The following PRDM7 variants were observed in gnomAD, a reference collection of about 807,000 sequenced individuals.
PRDM7 encodes the protein histone-lysine N-methyltransferase PRDM7.
PRDM7 carries 52 observed loss-of-function variants against 64.3 expected under a neutral mutation model. That is an observed-to-expected ratio of 0.81 (90% CI 0.65 to 1.02). PRDM7 has a LOEUF of 1.02. PRDM7 is among the 50% of genes least tolerant of loss of function. The pLI, the probability that PRDM7 is intolerant of heterozygous loss-of-function variation, is 0.00. For synonymous variants in PRDM7, 192 were observed against 210.1 expected (o/e 0.91, Z 0.74); for missense variants, 574 against 597.1 (o/e 0.96, Z 0.40).
intron 4 of PRDM7, among the ~76,000 whole-genome samples, chr16:90,072,472 C>A (rs60173593): frequency 0.028 from 4,323 of 152,272 alleles, 154 homozygotes; most frequent in African/African-American, 0.077. Flanking sequence ...GTGATTAAAT[C>A]AGCCAGTCAC....
intron 4 of PRDM7, among the ~76,000 whole-genome samples, chr16:90,073,626 C>G (rs1209570745): frequency 1.3e-5 from 2 of 152,044 alleles, no homozygotes; most frequent in Non-Finnish European, 2.9e-5. Context: ...GTCTTGATCT[C>G]CTGACCTCAT....
chr16:90,071,955 G>A lies in PRDM7; in HGVS notation c.301+2961C>T, dbSNP rs540454374. Among the ~76,000 whole-genome samples the A allele has an allele frequency of 5.3e-5, 8 of 152,324 alleles. No homozygotes were observed. In the East Asian group the frequency reaches 1.2e-3, roughly 22 times the overall value. On this transcript the variant is annotated intron_variant, in intron 4 of 10. Transcript: ENST00000449207. The stretch of plus-strand genomic sequence containing the variant: ...TGCCTGTAATCCCAGCACTTCGGGA[G>A]GCCGCGGCAGGCGGATCATGAGGTC...
intron 1 of PRDM7, among the ~76,000 whole-genome samples, chr16:90,076,674 G>A (rs1174626059): frequency 6.6e-6 from 1 of 152,120 alleles, no homozygotes; most frequent in Non-Finnish European, 1.5e-5. Context: ...TTAGGCTGAA[G>A]AGATCTGGGG....
intron 1 of PRDM7, among the ~76,000 whole-genome samples, chr16:90,076,271 G>C (rs2038035316): frequency 6.6e-6 from 1 of 152,178 alleles, no homozygotes; most frequent in South Asian, 2.1e-4. Context: ...GAGGGTTGTA[G>C]CTACCGGTGT....
Position 90,062,049 on chromosome 16 carries a change from C to T in PRDM7, c.754G>A (p.Gly252Ser), listed in dbSNP as rs1161932779. The T allele has an allele frequency of 4.3e-6, 7 of 1,614,270 alleles. No individual in the cohort carries two copies. Among genetic ancestry groups the T allele is most frequent in the Non-Finnish European group, 5.9e-6 (7 of 1,180,044 alleles). The change falls in exon 8 of 11, where the codon GGC becomes AGC. Residue 252 changes from glycine (G) to serine (S), a missense_variant. Gly to Ser is a moderately conservative substitution (Grantham distance 56). Transcript: ENST00000449207. Reference protein sequence around the residue: ...LPPGLRIGPSGIPQAGLGVWN... With the variant: ...LPPGLRIGPSSIPQAGLGVWN... ...ACTCCAAGCCCAGCCTGAGGGATGC[C>T]TGATGGCCCAATTCTCAGCCCCGGG...
intron 4 of PRDM7, 36 bp downstream of exon 4, chr16:90,074,880 T>TA (rs374811950): frequency 0.097 from 116,193 of 1,195,974 alleles, 374 homozygotes; most frequent in East Asian, 0.16. Context: ...ACTCCGTCTT[T>TA]AAAAAAAAAA....
Position 90,060,573 on chromosome 16 carries a change from T to C in PRDM7, c.1001A>G (p.Gln334Arg), listed in dbSNP as rs2037758415. The C allele has an allele frequency of 6.2e-7, 1 of 1,614,152 alleles. No homozygotes were observed. ...DDEEQNLVAF[Q>R]YHRQIFYRTC... ...TCTATAGAAGATCTGCCTGTGGTAC[T>C]GGAAGGCCACCAGGTTCTGCTCTTC... Residue 334 changes from glutamine (Q) to arginine (R), a missense_variant, in exon 10 of 11, where the codon CAG (glutamine) becomes CGG (arginine). Transcript: ENST00000449207.
Position 90,075,112 on chromosome 16 carries a change from G to C in PRDM7, c.194-89C>G, listed in dbSNP as rs1440142601. 2.1e-6 allele frequency: 3 copies of C among 1,427,498 alleles called. No individual in the cohort carries two copies. Among genetic ancestry groups the C allele is most frequent in the South Asian group, 2.3e-5 (2 of 85,310 alleles). 88.4% of individuals were successfully genotyped at this position (1,427,498 alleles called of 1,614,324 possible). ...GGCAATGGAAAGCACCACAAAGCCA[G>C]TGCTGCTCAGTCTGATGAGCTGGGA... On this transcript the variant is annotated intron_variant, in intron 3 of 10. Coordinates refer to ENST00000449207, the MANE Select transcript of PRDM7 (RefSeq NM_001098173.2). The surrounding 1 kb of genome is among the most constrained non-coding windows in gnomAD (Gnocchi z 4.3).
intron 4 of PRDM7, among the ~76,000 whole-genome samples, chr16:90,073,105 A>G (rs7201719): frequency 0.054 from 8,221 of 152,206 alleles, 620 homozygotes; most frequent in African/African-American, 0.17. Context: ...GGTCAGTGAC[A>G]TATGGGAAAG....
intron 4 of PRDM7, among the ~76,000 whole-genome samples, chr16:90,068,504 G>C (rs1471645009): frequency 6.7e-6 from 1 of 150,050 alleles, no homozygotes; most frequent in African/African-American, 2.5e-5. Context: ...GTGTGGTGAC[G>C]GGCGCCTGTA....
intron 4 of PRDM7, 69 bp downstream of exon 4, chr16:90,074,847 C>G (rs2038011945): frequency 6.6e-7 from 1 of 1,518,094 alleles, no homozygotes; most frequent in African/African-American, 1.4e-5. Flanking sequence ...CCATTGCACT[C>G]CAGCCTGGGC....
chr16:90,062,235 G>A, intron 7 of PRDM7, 43 bp from the exon 8 acceptor site: 1 of 1,614,210 alleles, frequency 6.2e-7, no homozygotes, highest in Non-Finnish European at 8.5e-7. Flanking sequence ...TGTAATGCAT[G>A]TTCCTTGATA....
chr16:90,062,056 C>T lies in PRDM7; in HGVS notation c.747G>A (p.Gly249=), dbSNP rs1425626884. ...ALSLPPGLRI[G]PSGIPQAGLG... ...GCCCAGCCTGAGGGATGCCTGATGG[C>T]CCAATTCTCAGCCCCGGGGGCAGAC... Residue 249 remains glycine (G), a synonymous_variant, in exon 8 of 11, where the codon GGG becomes GGA. Coordinates refer to ENST00000449207, the MANE Select transcript of PRDM7 (RefSeq NM_001098173.2). 1 of 1,614,264 alleles carries T rather than the reference C, an allele frequency of 6.2e-7. No individual in the cohort carries two copies. Among genetic ancestry groups the T allele is most frequent in the Non-Finnish European group, 8.5e-7 (1 of 1,180,038 alleles).
Position 90,061,640 on chromosome 16 carries a change from T to A in PRDM7, c.883-121A>T, listed in dbSNP as rs1216909029. On this transcript the variant is annotated intron_variant, in intron 8 of 10. Coordinates refer to ENST00000449207, the MANE Select transcript of PRDM7 (RefSeq NM_001098173.2). ...GCTTCAACTGCCAACTGAGACCACA[T>A]GGCATGCACCTTAGTCATCATCTAC... 7 of 1,250,440 alleles carry A rather than the reference T, an allele frequency of 5.6e-6. No individual in the cohort carries two copies. The East Asian group carries it at 1.6e-4, about 29-fold the overall frequency. The allele number at this position is 1,250,440 out of a possible 1,614,324, so 77.5% of individuals were successfully genotyped here. A position where few individuals can be genotyped will look rare whatever the true frequency, so the allele number is the denominator to read the frequency against.
chr16:90,067,121 A>G (rs1218779739), intron 4 of PRDM7, among the ~76,000 whole-genome samples: 1 of 151,094 alleles, frequency 6.6e-6, no homozygotes, highest in African/African-American at 2.5e-5. Flanking sequence ...GTGCACCACC[A>G]CACCCAGCTA....
chr16:90,063,581 G>A (rs1008203376), intron 6 of PRDM7, 31 bp downstream of exon 6: 1 of 1,608,994 alleles, frequency 6.2e-7, no homozygotes, highest in African/African-American at 1.3e-5. Context: ...AGGACATAGA[G>A]GGACTAAATT....
intron 4 of PRDM7, among the ~76,000 whole-genome samples, chr16:90,070,831 T>C (rs549579067): frequency 1.1e-4 from 16 of 152,314 alleles, no homozygotes; most frequent in South Asian, 1.0e-3. Context: ...TATTTTCTTG[T>C]GGCAGCCTGG....
In PRDM7 at chr16:90,066,874, C is replaced by G. The variant is rs1472783826; in HGVS notation, c.338G>C (p.Ser113Thr). 1.9e-6 allele frequency: 3 copies of G among 1,596,544 alleles called. No individual in the cohort carries two copies. Among genetic ancestry groups the G allele is most frequent in the Non-Finnish European group, 1.7e-6 (2 of 1,166,460 alleles). ...PPWMAFRGEQSKHQKGMPKAS... is the reference protein window; with the variant it reads ...PPWMAFRGEQTKHQKGMPKAS... Reference sequence around the variant, plus strand: ...GGAGATACTTACCTTCTGGTGTTTACTCTGTTCTCCTCTGAAGGCCATCCA... The same window carrying G: ...GGAGATACTTACCTTCTGGTGTTTAGTCTGTTCTCCTCTGAAGGCCATCCA... The change falls in exon 5 of 11, where the codon AGT becomes ACT. Residue 113 changes from serine (S) to threonine (T), a missense_variant. Coordinates refer to ENST00000449207, the MANE Select transcript of PRDM7 (RefSeq NM_001098173.2).
At chr16:90,063,248 C>T (rs1034154878) in intron 6 of PRDM7, among the ~76,000 whole-genome samples, 15 of 152,130 alleles carry the variant, frequency 9.9e-5, no homozygotes, top group Non-Finnish European at 1.3e-4. Context: ...GAGTTTGAGA[C>T]CGGCCTGGTC....
Sources: gnomAD v4.1 joint callset for allele counts (sites outside exome capture counted in the v4.1 genomes callset) on GRCh38, gnomAD v4.1.1 for gene constraint, Gnocchi (gnomAD v3.1) non-coding constraint, MANE v1.5 for transcripts, NCBI Gene and HGNC (gene_info 2026-07-23, HGNC 2026-07-21) for gene names.